The following MYCT1 variants were observed in gnomAD, a reference collection of about 807,000 sequenced individuals.
MYCT1 encodes the protein MYC target 1, also known as myc target protein 1.
A neutral mutation model predicts 15.0 loss-of-function variants in MYCT1; 12 were observed. That is an observed-to-expected ratio of 0.80 (90% CI 0.51 to 1.29). The LOEUF is 1.29. Among genes scored for constraint, MYCT1 ranks in the 50% most tolerant of loss-of-function variants. MYCT1 has a pLI of 0.00. For synonymous variants in MYCT1, 104 were observed against 102.7 expected (o/e 1.01, Z -0.07); for missense variants, 287 against 279.1 (o/e 1.03, Z -0.20).
At chr6:152,717,309 T>C (rs193161646) in intron 1 of MYCT1, among the ~76,000 whole-genome samples, 229 of 152,340 alleles carry the variant, frequency 1.5e-3, no homozygotes, top group Non-Finnish European at 2.6e-3. Context: ...TATTTTACCA[T>C]ATACCTCAGG....
At position 152,722,893 on chromosome 6, in the gene MYCT1, C is replaced by T. The variant is rs2099724958; in HGVS notation, c.*640C>T. The T allele has an allele frequency of 5.5e-6, 1 of 183,100 alleles. No homozygotes were observed. Among genetic ancestry groups the T allele is most frequent in the Non-Finnish European group, 1.2e-5 (1 of 86,004 alleles). The allele number at this position is 183,100 out of a possible 1,614,324, so 11.3% of individuals were successfully genotyped here. On this transcript the variant is annotated 3_prime_UTR_variant, in exon 2 of 2. Coordinates refer to ENST00000367245, the MANE Select transcript of MYCT1 (RefSeq NM_025107.3). ...AGCTGGGACTACAGGGGTGCACTAC[C>T]ACACCGGGTTGAATTTTTTTTTAAT...
chr6:152,743,265 C>T, the MYCT1 span, among the ~76,000 whole-genome samples: 2 of 152,034 alleles, frequency 1.3e-5, no homozygotes, highest in African/African-American at 2.4e-5. Context: ...AGGGTTATGC[C>T]ATGTTGGTCA....
intron 1 of MYCT1, among the ~76,000 whole-genome samples, chr6:152,714,819 A>C (rs1195734664): frequency 6.6e-6 from 1 of 151,544 alleles, no homozygotes. Flanking sequence ...TATTAGGTAT[A>C]TATAAATTTA....
At chr6:152,737,805 A>G in the MYCT1 span, among the ~76,000 whole-genome samples, 1 of 152,282 alleles carries the variant, frequency 6.6e-6, no homozygotes, top group South Asian at 2.1e-4. Flanking sequence ...AGAGCAGCTA[A>G]TATAATAGCT....
At chr6:152,713,105 T>C (rs1420755688) in intron 1 of MYCT1, among the ~76,000 whole-genome samples, 4 of 152,116 alleles carry the variant, frequency 2.6e-5, no homozygotes, top group African/African-American at 9.6e-5. Context: ...AATATTTTTC[T>C]CCATTTTTCA....
chr6:152,722,691 C>G lies in MYCT1; in HGVS notation c.*438C>G, dbSNP rs1001071511. 2 of 319,154 alleles carry G rather than the reference C, an allele frequency of 6.3e-6. No homozygotes were observed. Among genetic ancestry groups the G allele is most frequent in the Non-Finnish European group, 1.2e-5 (2 of 162,630 alleles). 19.8% of individuals were successfully genotyped at this position (319,154 alleles called of 1,614,324 possible). ...TTCTAAGGGATTTGGATTTTACTTT[C>G]TTTAGAATGACAAGTGAATCATATT... On this transcript the variant is annotated 3_prime_UTR_variant, in exon 2 of 2. Transcript: ENST00000367245.
At chr6:152,715,953 C>T (rs1410429455) in intron 1 of MYCT1, among the ~76,000 whole-genome samples, 2 of 152,088 alleles carry the variant, frequency 1.3e-5, no homozygotes, top group Non-Finnish European at 2.9e-5. Context: ...TGTTTTTACT[C>T]TGGGAGAAGT....
downstream of MYCT1, among the ~76,000 whole-genome samples, chr6:152,727,591 A>G (rs1285428350): frequency 6.6e-6 from 1 of 152,222 alleles, no homozygotes; most frequent in African/African-American, 2.4e-5. Context: ...TGGTGTAAGT[A>G]AAATAGAGAA....
At chr6:152,699,228 T>A (rs115535748) in intron 1 of MYCT1, among the ~76,000 whole-genome samples, 1 of 152,094 alleles carries the variant, frequency 6.6e-6, no homozygotes. Flanking sequence ...TTCACTCCAG[T>A]CCTTTAACCT....
the MYCT1 span, among the ~76,000 whole-genome samples, chr6:152,744,060 C>T: frequency 2.6e-5 from 4 of 152,190 alleles, no homozygotes; most frequent in Non-Finnish European, 5.9e-5. Context: ...TCTACACCTC[C>T]TCACAAAGAC....
At chr6:152,702,736 C>T (rs2099721542) in intron 1 of MYCT1, among the ~76,000 whole-genome samples, 1 of 152,174 alleles carries the variant, frequency 6.6e-6, no homozygotes, top group Admixed American at 6.6e-5. Context: ...TACTATGTCT[C>T]AAATTCGTTT....
the MYCT1 span, among the ~76,000 whole-genome samples, chr6:152,740,019 T>G: frequency 2.0e-5 from 3 of 152,042 alleles, no homozygotes; most frequent in Admixed American, 1.3e-4. Context: ...TTAAATATTT[T>G]ATATATGTAT....
At chr6:152,699,153 C>T (rs1455410648) in intron 1 of MYCT1, among the ~76,000 whole-genome samples, 1 of 152,024 alleles carries the variant, frequency 6.6e-6, no homozygotes, top group Non-Finnish European at 1.5e-5. Context: ...AAACAGTGAG[C>T]AGTAGTGGCC....
At chr6:152,730,154 C>A in the MYCT1 span, among the ~76,000 whole-genome samples, 1 of 152,164 alleles carries the variant, frequency 6.6e-6, no homozygotes, top group African/African-American at 2.4e-5. Flanking sequence ...TTTTCCTTAG[C>A]CTTAAAATAG....
the MYCT1 span, among the ~76,000 whole-genome samples, chr6:152,731,233 G>A: frequency 3.3e-5 from 5 of 151,722 alleles, no homozygotes; most frequent in South Asian, 4.2e-4. Context: ...AAAAAAAGTC[G>A]GGCAAGATGA....
At chr6:152,738,692 A>G in the MYCT1 span, among the ~76,000 whole-genome samples, 290 of 152,260 alleles carry the variant, frequency 1.9e-3, 4 homozygotes, top group African/African-American at 6.7e-3. Flanking sequence ...GTTTCCCAGC[A>G]CATAGTATGT....
downstream of MYCT1, among the ~76,000 whole-genome samples, chr6:152,726,955 C>T (rs1022094662): frequency 5.3e-5 from 8 of 152,086 alleles, no homozygotes; most frequent in East Asian, 9.7e-4. Flanking sequence ...TTATGGAGGC[C>T]GGGCGCGGTG....
At chr6:152,698,799 A>G (rs188590443) in intron 1 of MYCT1, among the ~76,000 whole-genome samples, 2 of 152,298 alleles carry the variant, frequency 1.3e-5, no homozygotes, top group African/African-American at 4.8e-5. Context: ...GAACAATACA[A>G]AAGTATTTTT....
At chr6:152,737,338 T>C in the MYCT1 span, among the ~76,000 whole-genome samples, 1 of 151,858 alleles carries the variant, frequency 6.6e-6, no homozygotes, top group African/African-American at 2.4e-5. Context: ...CTTATGTATG[T>C]GTGTGTTTAT....
Sources: allele counts gnomAD v4.1 joint callset (sites outside exome capture counted in the v4.1 genomes callset), GRCh38; gene constraint gnomAD v4.1.1; transcripts MANE v1.5; gene names NCBI Gene and HGNC (gene_info 2026-07-23, HGNC 2026-07-21).